Variants in PLCH2 observed in about 807,000 individuals in gnomAD.
PLCH2 encodes the protein 1-phosphatidylinositol 4,5-bisphosphate phosphodiesterase eta-2.
PLCH2 carries 98 observed loss-of-function variants against 134.7 expected under a neutral mutation model. The observed-to-expected ratio is 0.73, with a 90% CI of 0.62 to 0.86. PLCH2 has a LOEUF of 0.86. PLCH2 is among the 40% of genes least tolerant of loss of function. PLCH2 has a pLI of 0.00. For synonymous variants in PLCH2, 974 were observed against 827.5 expected (o/e 1.18, Z -3.04); for missense variants, 1,994 against 1,986.6 (o/e 1.00, Z -0.07).
intron 2 of PLCH2, among the ~76,000 whole-genome samples, chr1:2,431,947 C>G (rs1335372059): frequency 6.6e-6 from 1 of 152,166 alleles, no homozygotes; most frequent in Admixed American, 6.5e-5. Context: ...GCTCAGTTAC[C>G]TGTGCACATT....
chr1:2,468,212 G>A (rs1269901127), intron 1 of PLCH2, among the ~76,000 whole-genome samples: 6 of 152,238 alleles, frequency 3.9e-5, no homozygotes, highest in Admixed American at 1.3e-4. Context: ...CATGGACAGG[G>A]GCAGCTGCTG....
chr1:2,415,996 C>T, the PLCH2 span, among the ~76,000 whole-genome samples: 4 of 152,218 alleles, frequency 2.6e-5, no homozygotes, highest in African/African-American at 7.2e-5. Context: ...AGAGGGAGCT[C>T]GGGGTGCAGC....
At position 2,502,009 on chromosome 1, in the gene PLCH2, G is replaced by A. The variant is rs1219907866; in HGVS notation, c.2662-103G>A. On this transcript the variant is annotated intron_variant, in intron 20 of 21. Transcript: ENST00000378486. ...GGCCCAGCCCCTCGGACCGAGACAC[G>A]CATGGCACGTCTGTGGCACGGTCTG... 7 of 1,085,624 alleles carry A rather than the reference G, an allele frequency of 6.4e-6. No homozygotes were observed. In the Admixed American group the frequency reaches 9.9e-5, roughly 15 times the overall value. The allele number at this position is 1,085,624 out of a possible 1,614,324, so 67.2% of individuals were successfully genotyped here. A position where few individuals can be genotyped will look rare whatever the true frequency, so the allele number is the denominator to read the frequency against.
intron 1 of PLCH2, among the ~76,000 whole-genome samples, chr1:2,428,146 C>T (rs1037310097): frequency 3.9e-5 from 6 of 152,202 alleles, no homozygotes; most frequent in East Asian, 1.9e-4. Flanking sequence ...AGCCTGGCCC[C>T]GAGTGACGTT....
chr1:2,494,610 G>C (rs561463350), intron 11 of PLCH2: 1 of 581,656 alleles, frequency 1.7e-6, no homozygotes, highest in Admixed American at 3.1e-5. Flanking sequence ...TGTTTCCACC[G>C]GGGCCTGACT....
chr1:2,487,564 C>A, intron 7 of PLCH2, 34 bp from the exon 8 acceptor site: 1 of 1,598,712 alleles, frequency 6.3e-7, no homozygotes, highest in Non-Finnish European at 8.5e-7. Context: ...TGTGGCTAGG[C>A]CCCTGGGGCT....
In PLCH2 at chr1:2,444,896, C is replaced by T. The variant is rs1314663247; in HGVS notation, c.115+14267C>T. On this transcript the variant is annotated intron_variant, in intron 2 of 3. Coordinates refer to the PLCH2 transcript ENST00000609981. The surrounding 1 kb of genome is among the most constrained non-coding windows in gnomAD (Gnocchi z 4.6). ...TGACTTGGGGAGCCCATGGTGTCTG[C>T]CTGCCTGGGTGTCTGATCCTAGAGA... Among the ~76,000 whole-genome samples the T allele has an allele frequency of 6.6e-6, 1 of 152,062 alleles. No homozygotes were observed. The highest frequency in any genetic ancestry group is 1.5e-5 in the Non-Finnish European group (1 of 68,012).
At chr1:2,494,639 G>A (rs779504744) in intron 11 of PLCH2, among the ~76,000 whole-genome samples, 20 of 152,154 alleles carry the variant, frequency 1.3e-4, no homozygotes, top group Admixed American at 9.8e-4. Context: ...GCTTCTCCTC[G>A]GCAGCTGCCT....
chr1:2,501,889 A>C, intron 20 of PLCH2: 1 of 484,714 alleles, frequency 2.1e-6, no homozygotes, highest in Non-Finnish European at 3.6e-6. Flanking sequence ...GGCCATGTGT[A>C]CTTAGATCTG....
At chr1:2,437,882 G>A (rs993888050) in intron 2 of PLCH2, among the ~76,000 whole-genome samples, 10 of 152,312 alleles carry the variant, frequency 6.6e-5, no homozygotes, top group South Asian at 6.2e-4. Flanking sequence ...GCACGTGGCC[G>A]TCCATCTCAG....
rs1474212174 is a variant in PLCH2, at chr1:2,495,559, C to T, written c.1824C>T (p.Gly608=). 2 of 1,548,290 alleles carry T rather than the reference C, an allele frequency of 1.3e-6. No individual in the cohort carries two copies. The highest frequency in any genetic ancestry group is 1.4e-5 in the African/African-American group (1 of 72,910). The change falls in exon 13 of 22, where the codon GGC becomes GGT. Residue 608 remains glycine, a synonymous_variant. Transcript: ENST00000378486. The part of the protein sequence containing the change: ...EGDEGQDSPG[G]QSRGATRQKK... ...ATGAGGGTCAGGACTCCCCGGGAGG[C>T]CAGAGCCGAGGGTAGGTGCCCTGCC... is the stretch of plus-strand genomic sequence containing the variant.
rs1639592542 is a variant in PLCH2, at chr1:2,439,545, A to C, written c.115+8916A>C. Reference sequence around the variant, plus strand: ...TCTAAATTTAGCTGCTGAGGATTGCACGTTTACCCGATTAAGCCCATTGAT... The same window carrying C: ...TCTAAATTTAGCTGCTGAGGATTGCCCGTTTACCCGATTAAGCCCATTGAT... On this transcript the variant is annotated intron_variant, in intron 2 of 3. Coordinates refer to the PLCH2 transcript ENST00000609981. This position sits in a 1 kb window ranked among gnomAD's most constrained non-coding sequence, Gnocchi z 4.7. Among the ~76,000 whole-genome samples, 1 of 152,248 alleles carries C rather than the reference A, an allele frequency of 6.6e-6. No individual in the cohort carries two copies. The highest frequency in any genetic ancestry group is 2.4e-5 in the African/African-American group (1 of 41,466).
chr1:2,487,168 T>C lies in PLCH2; in HGVS notation c.911-5T>C. ...ACATGGCCCCTATGCCACGCCGTCC[T>C]GCAGGCTTCACCAACTACACCAGGA... On this transcript the variant is annotated splice_region_variant and splice_polypyrimidine_tract_variant and intron_variant, in intron 6 of 21. Transcript: ENST00000378486. The C allele has an allele frequency of 6.4e-7, 1 of 1,557,246 alleles. No individual in the cohort carries two copies. The highest frequency in any genetic ancestry group is 8.7e-7 in the Non-Finnish European group (1 of 1,152,762).
In PLCH2 at chr1:2,489,855, C is replaced by T; in HGVS notation, c.1503C>T (p.Leu501=). ...SADEIDDDCK[L]LNGDASTNRK... ...ATGAGATTGACGATGACTGCAAGCT[C>T]CTCAATGGGGATGTGAGTCGGGCTG... is the stretch of plus-strand genomic sequence containing the variant. Residue 501 remains leucine (L), a synonymous_variant, in exon 10 of 22, where the codon CTC becomes CTT. Coordinates refer to ENST00000378486, the MANE Select transcript of PLCH2 (RefSeq NM_014638.4). 2 of 1,611,678 alleles carry T rather than the reference C, an allele frequency of 1.2e-6. No individual in the cohort carries two copies. The highest frequency in any genetic ancestry group is 1.7e-6 in the Non-Finnish European group (2 of 1,177,974).
At chr1:2,419,221 C>G in the PLCH2 span, among the ~76,000 whole-genome samples, 1 of 152,214 alleles carries the variant, frequency 6.6e-6, no homozygotes, top group Non-Finnish European at 1.5e-5. Context: ...CTGGTCTGCA[C>G]GGTCGAGCTT....
In PLCH2 at chr1:2,499,230, G is replaced by A; in HGVS notation, c.2581G>A (p.Gly861Ser). 1 of 1,612,782 alleles carries A rather than the reference G, an allele frequency of 6.2e-7. No individual in the cohort carries two copies. The highest frequency in any genetic ancestry group is 8.5e-7 in the Non-Finnish European group (1 of 1,179,762). ...GCTGGCCTTCAGCAGCATGATGCCA[G>A]GTGGGCAGGAGTGGACACGGTGCCC... is the stretch of plus-strand genomic sequence containing the variant. Reference protein sequence around the residue: ...RTLAFSSMMPGYRHVYLEGME... With the variant: ...RTLAFSSMMPSYRHVYLEGME... Residue 861 changes from glycine (G) to serine (S), a missense_variant and splice_region_variant, in exon 19 of 22, where the codon GGC (glycine) becomes AGC (serine). Physicochemically the swap from Gly to Ser is moderately conservative, Grantham distance 56. Transcript: ENST00000378486.
chr1:2,470,731 G>T (rs1412011762), intron 1 of PLCH2, among the ~76,000 whole-genome samples: 1 of 152,210 alleles, frequency 6.6e-6, no homozygotes, highest in African/African-American at 2.4e-5. Context: ...TCCCCTTGGA[G>T]CTGCAGCCCC....
intron 2 of PLCH2, among the ~76,000 whole-genome samples, chr1:2,450,325 G>A (rs1208041353): frequency 6.6e-6 from 1 of 152,046 alleles, no homozygotes; most frequent in Non-Finnish European, 1.5e-5. Context: ...CGGTCCTCTG[G>A]GTGCCTCGTT....
chr1:2,504,166 C>A lies in PLCH2; in HGVS notation c.3204C>A (p.Tyr1068Ter). The A allele has an allele frequency of 6.5e-7, 1 of 1,529,860 alleles. No individual in the cohort carries two copies. Among genetic ancestry groups the A allele is most frequent in the Non-Finnish European group, 8.8e-7 (1 of 1,140,308 alleles). 94.8% of individuals were successfully genotyped at this position (1,529,860 alleles called of 1,614,324 possible). A position where few individuals can be genotyped will look rare whatever the true frequency, so the allele number is the denominator to read the frequency against. Residue 1068 changes from tyrosine (Y) to a stop codon, truncating the protein, a stop_gained, in exon 22 of 22, where the codon TAC becomes TAA. Transcript: ENST00000378486. LOFTEE classifies it high-confidence loss of function. ...PCNGEGAGGA[Y>*]ERAPGSQTDG... The stretch of plus-strand genomic sequence containing the variant: ...ACGGCGAGGGCGCCGGCGGGGCATA[C>A]GAGAGGGCCCCCGGCAGCCAGACGG...
Sources: allele counts gnomAD v4.1 joint callset (sites outside exome capture counted in the v4.1 genomes callset), GRCh38; gene constraint gnomAD v4.1.1; non-coding constraint Gnocchi (gnomAD v3.1); transcripts MANE v1.5; gene names NCBI Gene and HGNC (gene_info 2026-07-23, HGNC 2026-07-21).